The following SCAF8 variants were observed in gnomAD, a reference collection of about 807,000 sequenced individuals.
SCAF8 encodes SR-related and CTD-associated factor 8.
A neutral mutation model predicts 140.5 loss-of-function variants in SCAF8; 23 were observed. The observed-to-expected ratio is 0.16, with a 90% CI of 0.12 to 0.23. The LOEUF (loss-of-function observed/expected upper bound fraction) is 0.23. Ranked by LOEUF, SCAF8 falls within the 10% of genes least tolerant of loss-of-function variation. The pLI is 1.00. For synonymous variants in SCAF8, 575 were observed against 528.9 expected, an observed-to-expected ratio of 1.09 and a Z score of -1.20; for missense variants, 1,397 against 1,555.7, an observed-to-expected ratio of 0.90 and a Z score of 1.72.
chr6:154,737,877 T>C (rs926890840), intron 1 of SCAF8, among the ~76,000 whole-genome samples: 5 of 152,170 alleles, frequency 3.3e-5, no homozygotes, highest in African/African-American at 1.2e-4. Flanking sequence ...CCGTGGTGCC[T>C]GCCCCAAATT....
At position 154,793,832 on chromosome 6, in the gene SCAF8, A is replaced by AG. The variant is rs1456118840; in HGVS notation, c.475+856_475+857insG. The stretch of plus-strand genomic sequence containing the variant: ...CTCTGTCTCAAAAAAAAAAAAAAAA[A>AG]AAAAAAATTTTTTTAAATCATAGTT... On this transcript the variant is annotated intron_variant, in intron 5 of 19. Coordinates refer to ENST00000367178, the MANE Select transcript of SCAF8 (RefSeq NM_014892.5). Among the ~76,000 whole-genome samples, 328 of 151,710 alleles carry AG rather than the reference A, an allele frequency of 2.2e-3. 5 individuals are homozygous for AG. The highest frequency in any genetic ancestry group is 7.4e-3 in the African/African-American group (305 of 41,316).
chr6:154,753,402 G>A (rs934755402), intron 1 of SCAF8, among the ~76,000 whole-genome samples: 55 of 152,278 alleles, frequency 3.6e-4, no homozygotes, highest in Non-Finnish European at 6.6e-4. Flanking sequence ...GGGAGGCGGA[G>A]GTTGCAGTGA....
At chr6:154,778,769 A>AATG (rs1776990814) in intron 3 of SCAF8, among the ~76,000 whole-genome samples, 1 of 142,060 alleles carries the variant, frequency 7.0e-6, no homozygotes, top group Non-Finnish European at 1.5e-5. Context: ...GTCTCAAAAA[A>AATG]TGTGTGTGTG....
chr6:154,808,826 G>A (rs1193644402), intron 11 of SCAF8, 28 bp downstream of exon 11: 13 of 1,402,640 alleles, frequency 9.3e-6, no homozygotes, highest in South Asian at 2.3e-5. Context: ...AATAATAGCC[G>A]TGTGTGAACT....
chr6:154,829,811 G>A (rs903428507), intron 18 of SCAF8, among the ~76,000 whole-genome samples: 2 of 151,942 alleles, frequency 1.3e-5, no homozygotes, highest in Non-Finnish European at 2.9e-5. Context: ...GGAGGCTGAG[G>A]CAGGAGAATC....
At chr6:154,762,739 C>G (rs886304543) in intron 1 of SCAF8, among the ~76,000 whole-genome samples, 1 of 152,064 alleles carries the variant, frequency 6.6e-6, no homozygotes, top group South Asian at 2.1e-4. Context: ...AGTTTCATTA[C>G]TATCACTTAT....
At chr6:154,765,161 A>G (rs758047222) in intron 1 of SCAF8, among the ~76,000 whole-genome samples, 2 of 152,188 alleles carry the variant, frequency 1.3e-5, no homozygotes, top group East Asian at 1.9e-4. Context: ...GTTGTTAGTT[A>G]TAGTGTCATT....
At chr6:154,788,843 G>A (rs1293884827) in intron 4 of SCAF8, among the ~76,000 whole-genome samples, 4 of 152,146 alleles carry the variant, frequency 2.6e-5, no homozygotes, top group Non-Finnish European at 5.9e-5. Flanking sequence ...TATTTGCTCT[G>A]AGAGGTTAGC....
intron 6 of SCAF8, among the ~76,000 whole-genome samples, chr6:154,799,775 C>CTATG (rs771925594): frequency 1.3e-5 from 2 of 150,378 alleles, no homozygotes; most frequent in Non-Finnish European, 3.0e-5. Context: ...TCAGTGACTG[C>CTATG]TATTTATTTA....
chr6:154,748,617 C>G (rs1449850620), intron 1 of SCAF8, among the ~76,000 whole-genome samples: 1 of 151,970 alleles, frequency 6.6e-6, no homozygotes, highest in Admixed American at 6.6e-5. Flanking sequence ...TCTTTAACAT[C>G]AAGAAATAAG....
intron 12 of SCAF8, among the ~76,000 whole-genome samples, chr6:154,811,266 C>T (rs757124818): frequency 1.3e-5 from 2 of 152,156 alleles, no homozygotes; most frequent in Non-Finnish European, 2.9e-5. Flanking sequence ...TGCTTTCTCG[C>T]ATGATTACCA....
At chr6:154,746,346 G>C (rs949418904) in intron 1 of SCAF8, among the ~76,000 whole-genome samples, 1 of 152,168 alleles carries the variant, frequency 6.6e-6, no homozygotes, top group Non-Finnish European at 1.5e-5. Context: ...ACCAGCCTGG[G>C]AATCAGCCAT....
chr6:154,833,414 A>G lies in SCAF8; in HGVS notation c.*19A>G. On this transcript the variant is annotated 3_prime_UTR_variant, in exon 20 of 20. Coordinates refer to ENST00000367178, the MANE Select transcript of SCAF8 (RefSeq NM_014892.5). The stretch of plus-strand genomic sequence containing the variant: ...GACATAATCATCACTCAGTAGGTAA[A>G]AGATACCTTTTGTAAAGTTGTCATC... 6.3e-7 allele frequency: 1 copy of G among 1,599,070 alleles called. No individual in the cohort carries two copies. Among genetic ancestry groups the G allele is most frequent in the Non-Finnish European group, 8.5e-7 (1 of 1,174,180 alleles).
intron 1 of SCAF8, among the ~76,000 whole-genome samples, chr6:154,735,159 A>G (rs1778381744): frequency 6.6e-6 from 1 of 151,870 alleles, no homozygotes; most frequent in East Asian, 1.9e-4. Flanking sequence ...AAGTGTAATT[A>G]TGCTGGTAAC....
At chr6:154,809,898 A>G (rs1778039174) in intron 11 of SCAF8, 117 bp from the exon 12 acceptor site, 1 of 841,024 alleles carries the variant, frequency 1.2e-6, no homozygotes, top group South Asian at 1.6e-5. Flanking sequence ...ATATTTTAAC[A>G]TATTGTCACT....
intron 2 of SCAF8, among the ~76,000 whole-genome samples, chr6:154,775,241 A>C (rs768696635): frequency 6.6e-6 from 1 of 152,196 alleles, no homozygotes; most frequent in African/African-American, 2.4e-5. Context: ...CATGGCAGAA[A>C]ATCAGAGAGA....
At chr6:154,808,406 G>A (rs1266658191) in intron 10 of SCAF8, among the ~76,000 whole-genome samples, 2 of 151,890 alleles carry the variant, frequency 1.3e-5, no homozygotes, top group East Asian at 3.9e-4. Flanking sequence ...TTTGAATGCA[G>A]CCCAACACAA....
At chr6:154,736,551 C>T (rs1490844218) in intron 1 of SCAF8, among the ~76,000 whole-genome samples, 4 of 152,044 alleles carry the variant, frequency 2.6e-5, no homozygotes, top group Non-Finnish European at 5.9e-5. Flanking sequence ...GGATTACAGG[C>T]GTGAGCCACT....
At chr6:154,742,981 T>C (rs1778609726) in intron 1 of SCAF8, among the ~76,000 whole-genome samples, 1 of 152,106 alleles carries the variant, frequency 6.6e-6, no homozygotes, top group Non-Finnish European at 1.5e-5. Context: ...TGGGATATAG[T>C]GGTAAACCAG....
Sources: allele counts gnomAD v4.1 joint callset (sites outside exome capture counted in the v4.1 genomes callset), GRCh38; gene constraint gnomAD v4.1.1; transcripts MANE v1.5; gene names NCBI Gene and HGNC (gene_info 2026-07-23, HGNC 2026-07-21).